The following GRM5 variants were observed in gnomAD, a reference collection of about 807,000 sequenced individuals.
GRM5 encodes metabotropic glutamate receptor 5.
In GRM5, 19 loss-of-function variants were observed where a neutral mutation model predicts 83.1. The observed-to-expected ratio is 0.23, with a 90% CI of 0.16 to 0.34. GRM5 has a LOEUF of 0.34. GRM5 is among the 10% of genes least tolerant of loss of function. The probability of loss-of-function intolerance (pLI) is 1.00; values close to 1 mark genes in which losing one functional copy is unlikely to be tolerated. For synonymous variants in GRM5, 675 were observed against 633.6 expected (o/e 1.07, Z -0.98); for missense variants, 1,160 against 1,588.3 (o/e 0.73, Z 4.58).
intron 2 of GRM5, among the ~76,000 whole-genome samples, chr11:88,920,584 G>A (rs548583086): frequency 4.6e-5 from 7 of 152,136 alleles, no homozygotes; most frequent in Admixed American, 1.3e-4. Flanking sequence ...ATTCTATGAG[G>A]CCAGTAATAT....
In GRM5 at chr11:88,653,286, C is replaced by G. The variant is rs1939682786; in HGVS notation, c.1029G>C (p.Lys343Asn). 1.9e-6 allele frequency: 3 copies of G among 1,613,158 alleles called. No homozygotes were observed. The East Asian group carries it at 6.7e-5, about 36-fold the overall frequency. ...DVKWFDDYYL[K>N]LRPETNHRNP... ...TTCGGTGGTTTGTTTCTGGCCGGAG[C>G]TTCAGATAATAATCATCAAACCACT... The change falls in exon 4 of 10, where the codon AAG (lysine) becomes AAC (asparagine). Residue 343 changes from lysine to asparagine, a missense_variant. By Grantham distance (94) the Lys-to-Asn change is moderately conservative. Around this residue, in one of 9 missense-constraint regions of GRM5, gnomAD observed 132 missense variants for 197.6 expected, o/e 0.67. Transcript: ENST00000305447.
chr11:88,660,160 C>T (rs998123555), intron 3 of GRM5, among the ~76,000 whole-genome samples: 1 of 152,180 alleles, frequency 6.6e-6, no homozygotes, highest in African/African-American at 2.4e-5. Context: ...GGGTTTTTCT[C>T]ACTTATCCTT....
intron 2 of GRM5, among the ~76,000 whole-genome samples, chr11:88,943,118 C>A (rs1163719350): frequency 6.6e-6 from 1 of 152,106 alleles, no homozygotes; most frequent in East Asian, 1.9e-4. Flanking sequence ...CTCTGCCTAA[C>A]AGGGCTTCAT....
intron 3 of GRM5, among the ~76,000 whole-genome samples, chr11:88,803,625 G>C (rs1943442383): frequency 6.6e-6 from 1 of 152,138 alleles, no homozygotes; most frequent in South Asian, 2.1e-4. Flanking sequence ...ATAGGCATGG[G>C]CAAGGACTTC....
chr11:88,983,898 A>T (rs993137135), intron 2 of GRM5, among the ~76,000 whole-genome samples: 6 of 152,076 alleles, frequency 3.9e-5, no homozygotes, highest in Non-Finnish European at 7.4e-5. Context: ...ACCGAAGCTA[A>T]TGTGTGTGTT....
intron 3 of GRM5, among the ~76,000 whole-genome samples, chr11:88,657,175 C>T (rs1468765875): frequency 3.3e-5 from 5 of 152,110 alleles, no homozygotes; most frequent in Admixed American, 6.6e-5. Context: ...TTGATGAACA[C>T]GTTGTGACTA....
intron 3 of GRM5, among the ~76,000 whole-genome samples, chr11:88,803,207 A>T (rs1352793573): frequency 6.6e-6 from 1 of 151,414 alleles, no homozygotes; most frequent in Non-Finnish European, 1.5e-5. Context: ...TATGGAACCA[A>T]AAAAGAGCCT....
chr11:88,832,236 A>G (rs868066362), intron 3 of GRM5, among the ~76,000 whole-genome samples: 1 of 152,244 alleles, frequency 6.6e-6, no homozygotes, highest in East Asian at 1.9e-4. Flanking sequence ...TTTAAAGACT[A>G]TACCAAAAAC....
intron 4 of GRM5, among the ~76,000 whole-genome samples, chr11:88,646,559 A>C (rs1304497467): frequency 6.6e-6 from 1 of 150,892 alleles, no homozygotes; most frequent in Non-Finnish European, 1.5e-5. Flanking sequence ...TTATTTATAC[A>C]ACAGCATTAG....
chr11:88,584,210 A>G (rs958725711), intron 7 of GRM5, among the ~76,000 whole-genome samples: 1 of 145,690 alleles, frequency 6.9e-6, no homozygotes, highest in South Asian at 2.1e-4. Context: ...CAAATTACAC[A>G]CACACACACA....
At chr11:88,529,711 A>AGAT (rs1356115205) in intron 8 of GRM5, among the ~76,000 whole-genome samples, 1 of 151,946 alleles carries the variant, frequency 6.6e-6, no homozygotes, top group Non-Finnish European at 1.5e-5. Flanking sequence ...TGCATGTGAG[A>AGAT]GATGATAAGC....
intron 3 of GRM5, among the ~76,000 whole-genome samples, chr11:88,745,287 A>C (rs889427044): frequency 7.6e-6 from 1 of 130,842 alleles, no homozygotes; most frequent in Non-Finnish European, 1.7e-5. Context: ...TGCAACCTCA[A>C]CCCTTCGGGC....
intron 8 of GRM5, among the ~76,000 whole-genome samples, chr11:88,556,168 T>C (rs1477230856): frequency 6.6e-6 from 1 of 152,086 alleles, no homozygotes; most frequent in Non-Finnish European, 1.5e-5. Context: ...GTCAAATATT[T>C]CCATGTCAGT....
chr11:89,012,873 C>G (rs1316489788), intron 2 of GRM5, among the ~76,000 whole-genome samples: 1 of 152,198 alleles, frequency 6.6e-6, no homozygotes, highest in Non-Finnish European at 1.5e-5. Flanking sequence ...AGTGCTCTAT[C>G]TATTATTAGC....
intron 3 of GRM5, among the ~76,000 whole-genome samples, chr11:88,776,118 G>T (rs952150244): frequency 6.6e-6 from 1 of 152,090 alleles, no homozygotes; most frequent in Admixed American, 6.5e-5. Flanking sequence ...ATGAATCTGG[G>T]TGCTCCTGTA....
chr11:88,947,196 A>T (rs1449451815), intron 2 of GRM5, among the ~76,000 whole-genome samples: 1 of 152,138 alleles, frequency 6.6e-6, no homozygotes, highest in Non-Finnish European at 1.5e-5. Context: ...GCCTCACATG[A>T]CTTAAATAAT....
chr11:88,751,414 G>A (rs1591488486), intron 3 of GRM5, among the ~76,000 whole-genome samples: 1 of 152,076 alleles, frequency 6.6e-6, no homozygotes, highest in African/African-American at 2.4e-5. Context: ...GGGAGAAACT[G>A]AATCCCTGAA....
chr11:88,992,630 G>A (rs111304135), intron 2 of GRM5, among the ~76,000 whole-genome samples: 91,594 of 149,824 alleles, frequency 0.61, 29,523 homozygotes, highest in African/African-American at 0.82. Context: ...ATGTCCAACA[G>A]TGATAGACTA....
intron 4 of GRM5, among the ~76,000 whole-genome samples, chr11:88,645,290 G>A (rs559183645): frequency 3.3e-5 from 5 of 152,182 alleles, no homozygotes; most frequent in African/African-American, 7.2e-5. Context: ...AGGTAAATGA[G>A]GTGAAAAGTG....
Sources: allele counts gnomAD v4.1 joint callset (sites outside exome capture counted in the v4.1 genomes callset), GRCh38; gene constraint gnomAD v4.1.1; regional missense constraint gnomAD v4.1.1; transcripts MANE v1.5; gene names NCBI Gene and HGNC (gene_info 2026-07-23, HGNC 2026-07-21).